PDE7B: variants seen among roughly 807,000 people sequenced by gnomAD.
PDE7B encodes the protein 3',5'-cyclic-AMP phosphodiesterase 7B.
A neutral mutation model predicts 56.2 loss-of-function variants in PDE7B; 29 were observed. That is an observed-to-expected ratio of 0.52 (90% CI 0.38 to 0.70). PDE7B has a LOEUF of 0.70. PDE7B is among the 30% of genes least tolerant of loss of function. The pLI, the probability that PDE7B is intolerant of heterozygous loss-of-function variation, is 0.00. For synonymous variants in PDE7B, 197 were observed against 196.9 expected, an observed-to-expected ratio of 1.00 and a Z score of 0.00; for missense variants, 490 against 565.0, an observed-to-expected ratio of 0.87 and a Z score of 1.35.
chr6:135,925,484 A>G (rs1562441772), intron 1 of PDE7B, among the ~76,000 whole-genome samples: 1 of 152,194 alleles, frequency 6.6e-6, no homozygotes, highest in Non-Finnish European at 1.5e-5. Context: ...TGTTTACTAC[A>G]AAAAATCAGC....
chr6:136,121,902 G>A (rs1258954179), intron 3 of PDE7B, among the ~76,000 whole-genome samples: 1 of 152,156 alleles, frequency 6.6e-6, no homozygotes, highest in African/African-American at 2.4e-5. Context: ...TTGGAGGGAC[G>A]GTAATCAGAA....
intron 3 of PDE7B, among the ~76,000 whole-genome samples, chr6:136,134,758 T>C (rs1174835083): frequency 8.6e-6 from 1 of 116,928 alleles, no homozygotes; most frequent in East Asian, 2.5e-4. Context: ...AAAAAAAAAA[T>C]TGACTAAAAC....
intron 3 of PDE7B, among the ~76,000 whole-genome samples, chr6:136,131,222 A>G (rs1778111702): frequency 6.6e-6 from 1 of 152,332 alleles, no homozygotes; most frequent in Non-Finnish European, 1.5e-5. Context: ...TATATATTAT[A>G]GCCATTCCTA....
chr6:136,186,685 G>A (rs1007914650), intron 11 of PDE7B, among the ~76,000 whole-genome samples: 4 of 152,134 alleles, frequency 2.6e-5, no homozygotes, highest in African/African-American at 9.7e-5. Flanking sequence ...GACAAAACCT[G>A]TTTTCTTAAC....
At chr6:136,171,981 G>A (rs1427252323) in intron 8 of PDE7B, among the ~76,000 whole-genome samples, 1 of 151,834 alleles carries the variant, frequency 6.6e-6, no homozygotes, top group Non-Finnish European at 1.5e-5. Flanking sequence ...CATTTTTTAT[G>A]GCTGCATAGT....
At chr6:135,979,735 A>C (rs915816598) in intron 2 of PDE7B, among the ~76,000 whole-genome samples, 1 of 152,148 alleles carries the variant, frequency 6.6e-6, no homozygotes, top group Non-Finnish European at 1.5e-5. Flanking sequence ...TCCAACTTAC[A>C]AGGGATGTGA....
chr6:135,985,394 GT>G (rs1562460780), intron 2 of PDE7B, among the ~76,000 whole-genome samples: 1 of 152,174 alleles, frequency 6.6e-6, no homozygotes, highest in Non-Finnish European at 1.5e-5. Flanking sequence ...TAGAAATGTT[GT>G]TTCTTTGGAG....
At chr6:135,920,229 AT>A in intron 1 of PDE7B, among the ~76,000 whole-genome samples, 1 of 152,194 alleles carries the variant, frequency 6.6e-6, no homozygotes, top group Admixed American at 6.5e-5. Context: ...TAAATAGAAA[AT>A]GTGCCTATAT....
chr6:135,944,438 T>G (rs993324289), intron 1 of PDE7B, among the ~76,000 whole-genome samples: 17 of 151,924 alleles, frequency 1.1e-4, no homozygotes, highest in African/African-American at 4.1e-4. Flanking sequence ...TCAGATTCCC[T>G]CAGGTATTGC....
chr6:136,063,805 T>A (rs1271024595), intron 2 of PDE7B, among the ~76,000 whole-genome samples: 1 of 152,150 alleles, frequency 6.6e-6, no homozygotes, highest in Admixed American at 6.5e-5. Flanking sequence ...AAACCTCATA[T>A]CCAACCCTCT....
intron 1 of PDE7B, among the ~76,000 whole-genome samples, chr6:135,905,327 C>T (rs1409934391): frequency 7.1e-6 from 1 of 141,664 alleles, no homozygotes; most frequent in African/African-American, 2.7e-5. Flanking sequence ...ATGATGCATA[C>T]ATACATGCGT....
intron 1 of PDE7B, among the ~76,000 whole-genome samples, chr6:135,935,199 T>TATATA (rs1774398710): frequency 1.2e-5 from 1 of 81,306 alleles, no homozygotes; most frequent in African/African-American, 6.7e-5. Context: ...TTTATATATA[T>TATATA]ATATATATAT....
At chr6:136,043,052 G>T (rs1776439335) in intron 2 of PDE7B, among the ~76,000 whole-genome samples, 1 of 152,164 alleles carries the variant, frequency 6.6e-6, no homozygotes, top group Non-Finnish European at 1.5e-5. Context: ...AATACTCATT[G>T]GTTCTAATGA....
At chr6:135,957,195 T>C (rs901511234) in intron 2 of PDE7B, among the ~76,000 whole-genome samples, 1 of 152,130 alleles carries the variant, frequency 6.6e-6, no homozygotes. Flanking sequence ...TCTGATTGCT[T>C]CCCTTCTTTT....
intron 2 of PDE7B, among the ~76,000 whole-genome samples, chr6:135,966,258 T>G (rs1446611495): frequency 1.3e-5 from 2 of 152,170 alleles, no homozygotes; most frequent in Non-Finnish European, 2.9e-5. Context: ...TTAGAGTGGC[T>G]TTTTTCTAGT....
At chr6:135,915,401 C>T (rs927971237) in intron 1 of PDE7B, among the ~76,000 whole-genome samples, 4 of 152,154 alleles carry the variant, frequency 2.6e-5, no homozygotes, top group Non-Finnish European at 5.9e-5. Context: ...GCATTCTTGC[C>T]AGCAACATAT....
At chr6:136,020,130 T>C (rs1454819389) in intron 2 of PDE7B, among the ~76,000 whole-genome samples, 7 of 152,184 alleles carry the variant, frequency 4.6e-5, no homozygotes, top group Non-Finnish European at 5.9e-5. Flanking sequence ...GTGTGTCTCT[T>C]CTTATTGTGC....
intron 2 of PDE7B, among the ~76,000 whole-genome samples, chr6:136,025,637 T>A (rs1466705827): frequency 1.3e-5 from 2 of 152,112 alleles, no homozygotes; most frequent in African/African-American, 4.8e-5. Context: ...TATATAAGGG[T>A]GATATGGAAT....
intron 8 of PDE7B, among the ~76,000 whole-genome samples, chr6:136,160,313 C>CT (rs1321602168): frequency 6.6e-6 from 1 of 152,166 alleles, no homozygotes; most frequent in African/African-American, 2.4e-5. Flanking sequence ...ATGGTATCCT[C>CT]TCACCACATG....
Sources: gnomAD v4.1 joint callset for allele counts (sites outside exome capture counted in the v4.1 genomes callset) on GRCh38, gnomAD v4.1.1 for gene constraint, MANE v1.5 for transcripts, NCBI Gene and HGNC (gene_info 2026-07-23, HGNC 2026-07-21) for gene names.